Variants in SNX29 observed in about 807,000 individuals in gnomAD.
SNX29 encodes the protein sorting nexin-29.
In SNX29, 78 loss-of-function variants were observed where a neutral mutation model predicts 102.1. The ratio of observed to expected loss-of-function variants is 0.76; its 90% CI spans 0.64 to 0.92. SNX29 has a LOEUF of 0.92. SNX29 is among the 40% of genes least tolerant of loss of function. SNX29 has a pLI of 0.00. For synonymous variants in SNX29, 580 were observed against 414.5 expected (o/e 1.40, Z -4.85); for missense variants, 1,280 against 1,061.7 (o/e 1.21, Z -2.86).
At chr16:12,212,906 G>A (rs571418137) in intron 14 of SNX29, among the ~76,000 whole-genome samples, 12 of 152,152 alleles carry the variant, frequency 7.9e-5, no homozygotes, top group Non-Finnish European at 1.6e-4. Flanking sequence ...CTGCGGTCAG[G>A]AATTTGAGAC....
intron 19 of SNX29, among the ~76,000 whole-genome samples, chr16:12,501,270 G>T (rs767614790): frequency 6.6e-6 from 1 of 152,028 alleles, no homozygotes; most frequent in African/African-American, 2.4e-5. Context: ...TGGGTGTGGT[G>T]GTGTGCCCCT....
At position 12,002,971 on chromosome 16, in the gene SNX29, C is replaced by G; in HGVS notation, c.70-20C>G. The G allele has an allele frequency of 6.2e-7, 1 of 1,614,164 alleles. No homozygotes were observed. Among genetic ancestry groups the G allele is most frequent in the Non-Finnish European group, 8.5e-7 (1 of 1,180,008 alleles). ...GTCCCATCCCAACAGCTGATCTCAG[C>G]AGCTTCTTTTTCTGTGCAGTGCCAG... On this transcript the variant is annotated intron_variant, in intron 2 of 20. Transcript: ENST00000566228.
intron 20 of SNX29, among the ~76,000 whole-genome samples, chr16:12,550,426 T>G (rs1318933743): frequency 1.3e-5 from 2 of 151,716 alleles, no homozygotes; most frequent in African/African-American, 2.4e-5. Flanking sequence ...TCCCACCTAC[T>G]TGGGAGGCTG....
intron 20 of SNX29, among the ~76,000 whole-genome samples, chr16:12,544,673 A>T (rs988965721): frequency 6.6e-6 from 1 of 152,200 alleles, no homozygotes; most frequent in African/African-American, 2.4e-5. Context: ...GAAGCCTTTG[A>T]GAGCGCTGTC....
intron 18 of SNX29, among the ~76,000 whole-genome samples, chr16:12,409,217 A>G (rs2084294392): frequency 6.6e-6 from 1 of 152,222 alleles, no homozygotes; most frequent in Admixed American, 6.5e-5. Flanking sequence ...AATAAAATGG[A>G]AAACAAAATT....
intron 18 of SNX29, among the ~76,000 whole-genome samples, chr16:12,455,565 C>T (rs1440239430): frequency 6.6e-6 from 1 of 152,222 alleles, no homozygotes; most frequent in Admixed American, 6.5e-5. Flanking sequence ...CGGGACCTAC[C>T]TGTTTCTTCC....
chr16:12,440,520 G>C (rs576669853), intron 18 of SNX29, among the ~76,000 whole-genome samples: 1 of 152,116 alleles, frequency 6.6e-6, no homozygotes. Flanking sequence ...GGGGTTAGCT[G>C]TACACATTAT....
chr16:12,562,346 C>T lies in SNX29; in HGVS notation c.2319-6160C>T, dbSNP rs927830747. Among the ~76,000 whole-genome samples the T allele has an allele frequency of 4.0e-5, 6 of 151,672 alleles. No homozygotes were observed. In the South Asian group the frequency reaches 1.0e-3, roughly 26 times the overall value. ...ACCTGCAGGGCAGATTCTGTGATTT[C>T]CCCCTTTATTTTTGCTTGCACCATT... On this transcript the variant is annotated intron_variant, in intron 20 of 20. Coordinates refer to ENST00000566228, the MANE Select transcript of SNX29 (RefSeq NM_032167.5).
chr16:12,060,325 C>T (rs1743256654), intron 8 of SNX29, among the ~76,000 whole-genome samples: 1 of 152,150 alleles, frequency 6.6e-6, no homozygotes, highest in South Asian at 2.1e-4. Flanking sequence ...GGCGAGGTGT[C>T]TTATGCCTGT....
chr16:12,234,223 TTTA>T (rs1423021341), intron 14 of SNX29, among the ~76,000 whole-genome samples: 2 of 152,190 alleles, frequency 1.3e-5, no homozygotes, highest in African/African-American at 4.8e-5. Flanking sequence ...CTGTCTTTTT[TTTA>T]TTGTAGCCAT....
At chr16:12,320,812 G>T (rs941205944) in intron 15 of SNX29, among the ~76,000 whole-genome samples, 2 of 152,206 alleles carry the variant, frequency 1.3e-5, no homozygotes, top group Non-Finnish European at 2.9e-5. Flanking sequence ...TCAGAATCGT[G>T]TTCCAATTCT....
chr16:12,558,497 G>A (rs890177654), intron 20 of SNX29, among the ~76,000 whole-genome samples: 7 of 152,312 alleles, frequency 4.6e-5, no homozygotes, highest in African/African-American at 1.7e-4. Flanking sequence ...TGCATCTTTA[G>A]TTTTTAATGA....
At chr16:12,328,022 A>C (rs2081173525) in intron 15 of SNX29, among the ~76,000 whole-genome samples, 1 of 152,076 alleles carries the variant, frequency 6.6e-6, no homozygotes, top group South Asian at 2.1e-4. Context: ...ACAAAGTCAG[A>C]CTGTTGTGGG....
At chr16:12,517,102 A>G (rs915838289) in intron 19 of SNX29, among the ~76,000 whole-genome samples, 30 of 152,296 alleles carry the variant, frequency 2.0e-4, no homozygotes, top group African/African-American at 7.2e-4. Flanking sequence ...ATCATTGACG[A>G]TGGCGTTATG....
chr16:12,369,907 C>T (rs1024726708), intron 16 of SNX29, among the ~76,000 whole-genome samples: 14 of 152,142 alleles, frequency 9.2e-5, no homozygotes, highest in Non-Finnish European at 1.9e-4. Context: ...TGAACGATTT[C>T]TTCTTATTTG....
intron 18 of SNX29, among the ~76,000 whole-genome samples, chr16:12,459,865 A>G (rs1348721105): frequency 6.6e-6 from 1 of 152,108 alleles, no homozygotes; most frequent in Non-Finnish European, 1.5e-5. Context: ...GCCATAGTGA[A>G]CTGGCCTTTC....
chr16:12,088,675 G>A (rs1181443671), intron 11 of SNX29, among the ~76,000 whole-genome samples: 1 of 152,252 alleles, frequency 6.6e-6, no homozygotes. Context: ...GGCCGGGGCA[G>A]TGGCGCACGC....
At position 12,348,825 on chromosome 16, in the gene SNX29, G is replaced by A. The variant is rs1746655427; in HGVS notation, c.1783-7338G>A. Among the ~76,000 whole-genome samples, 4 of 152,250 alleles carry A rather than the reference G, an allele frequency of 2.6e-5. No individual in the cohort carries two copies. The South Asian group carries it at 8.3e-4, about 32-fold the overall frequency. On this transcript the variant is annotated intron_variant, in intron 15 of 20. Coordinates refer to ENST00000566228, the MANE Select transcript of SNX29 (RefSeq NM_032167.5). ...TCAGTTTTCTTAGCTACAAAATTAG[G>A]GACGGTAACACCACTCACCTCCCAG...
At chr16:12,012,209 T>C (rs912381837) in intron 3 of SNX29, among the ~76,000 whole-genome samples, 1 of 151,948 alleles carries the variant, frequency 6.6e-6, no homozygotes, top group African/African-American at 2.4e-5. Context: ...GACAGCAGGG[T>C]TGTTAGCGGT....
Sources: allele counts gnomAD v4.1 joint callset (sites outside exome capture counted in the v4.1 genomes callset), GRCh38; gene constraint gnomAD v4.1.1; transcripts MANE v1.5; gene names NCBI Gene and HGNC (gene_info 2026-07-23, HGNC 2026-07-21).